SLC2A9: variants seen among roughly 807,000 people sequenced by gnomAD.
The protein encoded by SLC2A9 is solute carrier family 2, facilitated glucose transporter member 9.
Under a neutral mutation model 50.6 loss-of-function variants are expected in SLC2A9, and 39 were observed. The observed-to-expected ratio is 0.77, with a 90% CI of 0.60 to 1.01. SLC2A9 has a LOEUF of 1.01. SLC2A9 is among the 50% of genes least tolerant of loss of function. The probability of loss-of-function intolerance (pLI) is 0.00; values close to 1 mark genes in which losing one functional copy is unlikely to be tolerated. For synonymous variants in SLC2A9, 324 were observed against 276.9 expected, an observed-to-expected ratio of 1.17 and a Z score of -1.69; for missense variants, 686 against 677.6, an observed-to-expected ratio of 1.01 and a Z score of -0.14.
At chr4:9,777,704 G>A (rs1333169714), downstream of SLC2A9, among the ~76,000 whole-genome samples, 1 of 152,196 alleles carries the variant, frequency 6.6e-6, no homozygotes, top group Non-Finnish European at 1.5e-5. Context: ...ATTCAGACAT[G>A]AACAAGACAC....
chr4:9,912,034 G>T (rs538649569), intron 7 of SLC2A9, among the ~76,000 whole-genome samples: 1 of 152,002 alleles, frequency 6.6e-6, no homozygotes, highest in Non-Finnish European at 1.5e-5. Flanking sequence ...GCAAACTATC[G>T]CAAGGACAAA....
At chr4:9,955,894 T>TTTTTTA (rs1751176369) in intron 5 of SLC2A9, among the ~76,000 whole-genome samples, 2 of 145,838 alleles carry the variant, frequency 1.4e-5, no homozygotes, top group African/African-American at 5.1e-5. Flanking sequence ...TTTTTTTTTT[T>TTTTTTA]GAGATGGAGT....
At chr4:10,029,545 T>C (rs561447284) in intron 1 of SLC2A9, among the ~76,000 whole-genome samples, 1 of 68,254 alleles carries the variant, frequency 1.5e-5, no homozygotes, top group Non-Finnish European at 3.5e-5. Flanking sequence ...AGGAATTTTT[T>C]AAATATTTTA....
intron 5 of SLC2A9, among the ~76,000 whole-genome samples, chr4:9,977,725 C>A (rs1755043331): frequency 6.6e-6 from 1 of 152,108 alleles, no homozygotes; most frequent in South Asian, 2.1e-4. Context: ...TTAGATGTCA[C>A]TGCTGCAGGA....
chr4:9,847,522 A>G (rs983243485), intron 10 of SLC2A9, among the ~76,000 whole-genome samples: 1 of 152,212 alleles, frequency 6.6e-6, no homozygotes, highest in African/African-American at 2.4e-5. Context: ...AATATCAATG[A>G]TTACGGCGAT....
intron 5 of SLC2A9, among the ~76,000 whole-genome samples, chr4:9,953,257 A>T (rs1750636431): frequency 6.6e-6 from 1 of 152,224 alleles, no homozygotes; most frequent in Admixed American, 6.5e-5. Context: ...TAGAGAACCA[A>T]AGCCCAGAGA....
rs1314382910 is a variant in SLC2A9, at chr4:10,021,195, G to A, written c.150+85C>T. 3.5e-6 allele frequency: 5 copies of A among 1,419,360 alleles called. No individual in the cohort carries two copies. In the Admixed American group the frequency reaches 8.4e-5, roughly 24 times the overall value. 87.9% of individuals were successfully genotyped at this position (1,419,360 alleles called of 1,614,324 possible). On this transcript the variant is annotated intron_variant, in intron 1 of 11. Coordinates refer to ENST00000264784, the MANE Select transcript of SLC2A9 (RefSeq NM_020041.3). ...TCCCCCAGCTACACGCTGCCAGGCT[G>A]GGGCTGAGCACTGTCACACGGCTGC...
At chr4:9,804,153 T>G (rs1721824335) in intron 3 of SLC2A9, among the ~76,000 whole-genome samples, 1 of 152,180 alleles carries the variant, frequency 6.6e-6, no homozygotes, top group African/African-American at 2.4e-5. Flanking sequence ...CTAGAAACTC[T>G]GTGTATGAGG....
At chr4:10,008,901 T>C (rs79525067) in intron 2 of SLC2A9, among the ~76,000 whole-genome samples, 1 of 88,502 alleles carries the variant, frequency 1.1e-5, no homozygotes. Context: ...TGTGCGGTGG[T>C]TTTTTTTTTT....
At chr4:9,924,510 C>T (rs190614622) in intron 6 of SLC2A9, among the ~76,000 whole-genome samples, 17 of 152,316 alleles carry the variant, frequency 1.1e-4, no homozygotes, top group African/African-American at 3.8e-4. Flanking sequence ...GACACCTGCT[C>T]ATTATTGAAC....
upstream of SLC2A9, among the ~76,000 whole-genome samples, chr4:10,023,717 T>C (rs1763662319): frequency 6.6e-6 from 1 of 152,208 alleles, no homozygotes; most frequent in Non-Finnish European, 1.5e-5. Flanking sequence ...GCACAGCTCA[T>C]GTTACATGTG....
At chr4:9,781,315 C>T (rs572699529) in intron 3 of SLC2A9, among the ~76,000 whole-genome samples, 18 of 152,322 alleles carry the variant, frequency 1.2e-4, no homozygotes, top group African/African-American at 3.4e-4. Flanking sequence ...CCCGCTTACC[C>T]TTCAAATGCT....
chr4:9,860,776 G>T (rs1394488803), intron 10 of SLC2A9, among the ~76,000 whole-genome samples: 1 of 152,228 alleles, frequency 6.6e-6, no homozygotes, highest in Non-Finnish European at 1.5e-5. Context: ...CCCCTGATCA[G>T]ATATCACAAC....
At chr4:9,926,101 G>A (rs73804456) in intron 6 of SLC2A9, among the ~76,000 whole-genome samples, 150 of 152,204 alleles carry the variant, frequency 9.9e-4, no homozygotes, top group African/African-American at 3.5e-3. Context: ...CCCTCCAGGT[G>A]TCTGTACACC....
At chr4:9,796,725 A>C (rs1410594755), downstream of SLC2A9, among the ~76,000 whole-genome samples, 2 of 152,218 alleles carry the variant, frequency 1.3e-5, no homozygotes, top group African/African-American at 4.8e-5. Context: ...ATGGGCCTGG[A>C]TCTGGGTGGT....
rs767576073 is a variant in SLC2A9 at position 9,890,258 on chromosome 4, G to A, written c.1215+352C>T. On this transcript the variant is annotated intron_variant, in intron 9 of 11. Transcript: ENST00000264784. ...GCAGCACCTGGCACTCATGCTGGGA[G>A]GTGACAGCTGGAAGGAGCACCTTAA... 3.4e-4 allele frequency among the ~76,000 whole-genome samples: 52 copies of A among 152,316 alleles called. No individual in the cohort carries two copies. In the Middle Eastern group the frequency reaches 0.02, roughly 60 times the overall value.
chr4:9,963,170 G>A (rs1406306814), intron 5 of SLC2A9, among the ~76,000 whole-genome samples: 1 of 152,176 alleles, frequency 6.6e-6, no homozygotes, highest in Non-Finnish European at 1.5e-5. Flanking sequence ...AGCATGTACA[G>A]GGGAGCTCCC....
rs143218347 is a variant in SLC2A9 at position 9,780,616 on chromosome 4, G to A, written n.386-551C>T. ...CATGCTGCAGGTGTCTGGGCCAGCA[G>A]GTCGCAGCCGGAGCTATGCAGCTGG... On this transcript the variant is annotated intron_variant and non_coding_transcript_variant, in intron 3 of 3. Transcript: ENST00000503803. 6.2e-3 allele frequency among the ~76,000 whole-genome samples: 949 copies of A among 152,306 alleles called. 8 individuals are homozygous for A. Among genetic ancestry groups the A allele is most frequent in the African/African-American group, 0.022 (903 of 41,562 alleles).
At chr4:9,990,637 T>G (rs545061527) in intron 3 of SLC2A9, among the ~76,000 whole-genome samples, 1 of 151,200 alleles carries the variant, frequency 6.6e-6, no homozygotes, top group East Asian at 1.9e-4. Context: ...CCAAAGGGGT[T>G]GTGTCCATAA....
Sources: gnomAD v4.1 joint callset for allele counts (sites outside exome capture counted in the v4.1 genomes callset) on GRCh38, gnomAD v4.1.1 for gene constraint, MANE v1.5 for transcripts, NCBI Gene and HGNC (gene_info 2026-07-23, HGNC 2026-07-21) for gene names.